NEB: variants seen among roughly 807,000 people sequenced by gnomAD.
NEB encodes nemaline myopathy type 2.
In NEB, 512 loss-of-function variants were observed where a neutral mutation model predicts 952.2. The ratio of observed to expected loss-of-function variants is 0.54; its 90% CI spans 0.50 to 0.58. The LOEUF is 0.58. Ranked by LOEUF, NEB falls within the 20% of genes least tolerant of loss-of-function variation. The pLI, the probability that NEB is intolerant of heterozygous loss-of-function variation, is 0.00. For missense variants in NEB, 8,428 were observed against 9,231.1 expected, an observed-to-expected ratio of 0.91 and a Z score of 3.56; for synonymous variants, 2,900 against 3,149.8, an observed-to-expected ratio of 0.92 and a Z score of 2.66.
At chr2:151,629,907 A>C (rs2098628209) in intron 67 of NEB, among the ~76,000 whole-genome samples, 1 of 152,102 alleles carries the variant, frequency 6.6e-6, no homozygotes, top group Admixed American at 6.6e-5. Context: ...TATGCTATAC[A>C]TAGATCAATA....
intron 124 of NEB, 64 bp from the exon 125 acceptor site, chr2:151,555,108 C>G: frequency 2.6e-6 from 3 of 1,161,166 alleles, no homozygotes; most frequent in Non-Finnish European, 3.9e-6. Flanking sequence ...ATTATTAAAA[C>G]AGCATAAGAC....
chr2:151,606,024 T>C (rs1400285419), intron 84 of NEB, among the ~76,000 whole-genome samples: 21 of 95,864 alleles, frequency 2.2e-4, no homozygotes, highest in African/African-American at 5.7e-4. Flanking sequence ...TTTACCATGT[T>C]GGCCAGGCTG....
rs577374558 is a variant in NEB, at chr2:151,705,393, G to T, written c.1152+1488C>A. Among the ~76,000 whole-genome samples the T allele has an allele frequency of 3.3e-4, 50 of 152,194 alleles. No homozygotes were observed. The South Asian group carries it at 7.1e-3, about 22-fold the overall frequency. ...CTGTCTTTATCAACAAAGGAGATTT[G>T]AACTTGGGCTTTTAGATGTTTAATA... On this transcript the variant is annotated intron_variant, in intron 13 of 181. Coordinates refer to ENST00000397345, the MANE Select transcript of NEB (RefSeq NM_001164508.2).
chr2:151,693,703 G>T (rs1172303324), intron 20 of NEB, among the ~76,000 whole-genome samples: 1 of 151,990 alleles, frequency 6.6e-6, no homozygotes, highest in Non-Finnish European at 1.5e-5. Context: ...GAATAGTGCT[G>T]CAATGAATAT....
intron 10 of NEB, among the ~76,000 whole-genome samples, chr2:151,717,108 G>C (rs1478531509): frequency 6.6e-6 from 1 of 152,196 alleles, no homozygotes; most frequent in Non-Finnish European, 1.5e-5. Context: ...GTGGTTATTT[G>C]GTGACTCTGT....
intron 127 of NEB, among the ~76,000 whole-genome samples, 166 bp from the exon 128 acceptor site, chr2:151,552,942 A>C (rs1287277167): frequency 1.3e-5 from 2 of 152,182 alleles, no homozygotes; most frequent in African/African-American, 4.8e-5. Context: ...ACCAACACTT[A>C]TATGGGGCTT....
At chr2:151,729,537 C>T (rs1275209309) in intron 4 of NEB, 78 bp downstream of exon 4, 1 of 1,505,162 alleles carries the variant, frequency 6.6e-7, no homozygotes, top group Middle Eastern at 1.7e-4. Context: ...TCTTTGTGGC[C>T]CTGGGAGTCT....
intron 145 of NEB, among the ~76,000 whole-genome samples, chr2:151,530,245 G>A (rs1346102534): frequency 6.6e-6 from 1 of 152,164 alleles, no homozygotes; most frequent in Non-Finnish European, 1.5e-5. Flanking sequence ...TACCTAGCAA[G>A]TTTTGGTATA....
chr2:151,619,710 C>A lies in NEB; in HGVS notation c.10613G>T (p.Arg3538Leu), dbSNP rs758348011. 1.2e-6 allele frequency: 2 copies of A among 1,613,672 alleles called. No individual in the cohort carries two copies. The highest frequency in any genetic ancestry group is 2.7e-5 in the African/African-American group (2 of 74,904). The change falls in exon 73 of 182, where the codon CGA becomes CTA. Residue 3538 changes from arginine to leucine, a missense_variant. Physicochemically the swap from Arg to Leu is moderately radical, Grantham distance 102. Transcript: ENST00000397345. Reference protein sequence around the residue: ...RKQLGHHIGARAVHDDPKIMW... With the variant: ...RKQLGHHIGALAVHDDPKIMW... The stretch of plus-strand genomic sequence containing the variant: ...TATCTTGGGGTCATCGTGTACTGCT[C>A]GGGCGCCAATGTGGTGACCCAACTG...
intron 36 of NEB, 137 bp downstream of exon 36, chr2:151,674,340 T>G: frequency 1.3e-6 from 1 of 768,202 alleles, no homozygotes; most frequent in Non-Finnish European, 2.2e-6. Flanking sequence ...AAGTGACAGG[T>G]TTTTCCAAAC....
chr2:151,632,997 G>C (rs1234644324), intron 65 of NEB, among the ~76,000 whole-genome samples: 1 of 152,168 alleles, frequency 6.6e-6, no homozygotes. Context: ...TAAGTTTTTA[G>C]GAACAACCAA....
At chr2:151,503,621 A>T (rs1029872343) in intron 165 of NEB, among the ~76,000 whole-genome samples, 180 bp from the exon 166 acceptor site, 21 of 88,254 alleles carry the variant, frequency 2.4e-4, no homozygotes, top group Non-Finnish European at 5.1e-4. Flanking sequence ...AAATAGTAAA[A>T]ATTTTTACTA....
chr2:151,618,836 C>T (rs2098296175), intron 73 of NEB, among the ~76,000 whole-genome samples: 1 of 152,144 alleles, frequency 6.6e-6, no homozygotes. Context: ...TGCGTGAGTA[C>T]TGCAGTCAAA....
chr2:151,574,042 C>T (rs546831156), intron 107 of NEB, among the ~76,000 whole-genome samples: 27 of 152,242 alleles, frequency 1.8e-4, no homozygotes, highest in African/African-American at 6.3e-4. Flanking sequence ...GGCGTGATCT[C>T]GGCTTACTGC....
intron 75 of NEB, among the ~76,000 whole-genome samples, chr2:151,616,404 A>G (rs1222519338): frequency 6.6e-6 from 1 of 152,160 alleles, no homozygotes; most frequent in Non-Finnish European, 1.5e-5. Context: ...AAAATTATTT[A>G]CTGGCCGGGC....
In NEB at chr2:151,513,686, T is replaced by C. The variant is rs751477515; in HGVS notation, c.23135A>G (p.Tyr7712Cys). The change falls in exon 160 of 182, where the codon TAT becomes TGT. Residue 7712 changes from tyrosine (Y) to cysteine (C), a missense_variant. By Grantham distance (194) the Tyr-to-Cys change is radical. Coordinates refer to ENST00000397345, the MANE Select transcript of NEB (RefSeq NM_001164508.2). Reference protein sequence around the residue: ...NATQILNEKEYKRDLELEVKG... With the variant: ...NATQILNEKECKRDLELEVKG... ...GACTTCCAGTTCCAGGTCTCGCTTA[T>C]ATTCTTTCTATAGTAGCATTAAAAG... is the stretch of plus-strand genomic sequence containing the variant. 14 of 1,594,850 alleles carry C rather than the reference T, an allele frequency of 8.8e-6. No individual in the cohort carries two copies. Among genetic ancestry groups the C allele is most frequent in the Admixed American group, 6.9e-5 (4 of 57,782 alleles).
chr2:151,611,595 A>C (rs915478507), intron 78 of NEB, among the ~76,000 whole-genome samples: 4 of 152,226 alleles, frequency 2.6e-5, no homozygotes, highest in Admixed American at 6.5e-5. Flanking sequence ...AGTCTAAAAT[A>C]TGCATATTAA....
chr2:151,646,136 T>C lies in NEB; in HGVS notation c.7530A>G (p.Thr2510=). 1 of 1,582,548 alleles carries C rather than the reference T, an allele frequency of 6.3e-7. No homozygotes were observed. Among genetic ancestry groups the C allele is most frequent in the Non-Finnish European group, 8.6e-7 (1 of 1,161,750 alleles). The change falls in exon 55 of 182, where the codon ACA becomes ACG. Residue 2510 remains threonine, a synonymous_variant. Coordinates refer to ENST00000397345, the MANE Select transcript of NEB (RefSeq NM_001164508.2). ...GCTGAATTTGAAAACTTACATCACTTGTGTTGATTAAGTTTGCTTTAGCCA... is the reference window on the plus strand; with the variant it reads ...GCTGAATTTGAAAACTTACATCACTCGTGTTGATTAAGTTTGCTTTAGCCA... The part of the protein sequence containing the change: ...IVLAKANLIN[T]SDKLYRMGYE...
intron 129 of NEB, among the ~76,000 whole-genome samples, chr2:151,550,421 T>C (rs1014372570): frequency 2.0e-5 from 3 of 152,098 alleles, no homozygotes; most frequent in African/African-American, 7.2e-5. Flanking sequence ...GGTGATGATA[T>C]GCAAGCCATC....
Sources: gnomAD v4.1 joint callset for allele counts (sites outside exome capture counted in the v4.1 genomes callset) on GRCh38, gnomAD v4.1.1 for gene constraint, MANE v1.5 for transcripts, NCBI Gene and HGNC (gene_info 2026-07-23, HGNC 2026-07-21) for gene names.